Variants in ISY1 observed in about 807,000 individuals in gnomAD.
ISY1 encodes the protein pre-mRNA-splicing factor ISY1 homolog.
In ISY1, 12 loss-of-function variants were observed where a neutral mutation model predicts 54.4. The ratio of observed to expected loss-of-function variants is 0.22; its 90% CI spans 0.14 to 0.36. The LOEUF (loss-of-function observed/expected upper bound fraction) is 0.36, where lower values mean the gene tolerates loss of function less well. ISY1 is among the 10% of genes least tolerant of loss of function. ISY1 has a pLI of 1.00. For missense variants in ISY1, 282 were observed against 342.2 expected, an observed-to-expected ratio of 0.82 and a Z score of 1.39; for synonymous variants, 96 against 117.9, an observed-to-expected ratio of 0.81 and a Z score of 1.20.
At chr3:129,159,083 A>C (rs530993574) in intron 2 of ISY1, 71 bp downstream of exon 2, 3 of 1,565,368 alleles carry the variant, frequency 1.9e-6, no homozygotes, top group East Asian at 4.5e-5. Context: ...AAAAAGAGGA[A>C]ATACACAAAG....
At position 129,129,822 on chromosome 3, in the gene ISY1, A is replaced by T. The variant is rs1009127762; in HGVS notation, c.*259T>A. 2.6e-5 allele frequency: 9 copies of T among 343,820 alleles called. No homozygotes were observed. Among genetic ancestry groups the T allele is most frequent in the African/African-American group, 1.9e-4 (9 of 47,622 alleles). The allele number at this position is 343,820 out of a possible 1,614,324, so 21.3% of individuals were successfully genotyped here. On this transcript the variant is annotated 3_prime_UTR_variant, in exon 11 of 11. Transcript: ENST00000393295. Reference sequence around the variant, plus strand: ...ATGGCAGTGCAAGTCAAAATAAGACACAGGCAGCCAGTTCGCAACCTGTTG... The same window carrying T: ...ATGGCAGTGCAAGTCAAAATAAGACTCAGGCAGCCAGTTCGCAACCTGTTG...
intron 6 of ISY1, among the ~76,000 whole-genome samples, chr3:129,145,379 C>A (rs752300559): frequency 6.6e-6 from 1 of 152,132 alleles, no homozygotes; most frequent in South Asian, 2.1e-4. Flanking sequence ...TGCACCACCA[C>A]ACACAGCTAA....
chr3:129,158,989 TGG>T (rs1937224217), intron 2 of ISY1, among the ~76,000 whole-genome samples, 163 bp downstream of exon 2: 1 of 152,042 alleles, frequency 6.6e-6, no homozygotes, highest in Admixed American at 6.6e-5. Context: ...AGAAAACAAA[TGG>T]GCAAAAACAG....
At chr3:129,160,891 C>A (rs1307533784) in intron 1 of ISY1, 82 bp downstream of exon 1, 3 of 1,515,788 alleles carry the variant, frequency 2.0e-6, no homozygotes, top group Admixed American at 2.0e-5. Context: ...GAGCCTCTAC[C>A]GAATGAGCGC....
At chr3:129,145,315 C>T (rs1395594447) in intron 6 of ISY1, among the ~76,000 whole-genome samples, 1 of 151,780 alleles carries the variant, frequency 6.6e-6, no homozygotes, top group South Asian at 2.1e-4. Context: ...CTCCATCTTC[C>T]AGGTTCAAGT....
chr3:129,133,850 A>G lies in ISY1; in HGVS notation c.663+224T>C, dbSNP rs140295990. Among the ~76,000 whole-genome samples, 13 of 152,288 alleles carry G rather than the reference A, an allele frequency of 8.5e-5. No individual in the cohort carries two copies. In the East Asian group the frequency reaches 2.5e-3, roughly 29 times the overall value. On this transcript the variant is annotated intron_variant, in intron 9 of 10. Transcript: ENST00000393295. The stretch of plus-strand genomic sequence containing the variant: ...GCAGAAGGGCCTGTCTTTAAGAAGG[A>G]AAGAAGGAAGCCCTGGTGTAAAGCA...
intron 1 of ISY1, 47 bp from the exon 2 acceptor site, chr3:129,159,223 TTTTTTTCTTGCC>T: frequency 1.3e-6 from 2 of 1,583,074 alleles, no homozygotes; most frequent in Non-Finnish European, 1.7e-6. Flanking sequence ...TTAAAATATA[TTTTTTTCTTGCC>T]CTTTACTTTT....
At chr3:129,158,987 A>T (rs1374600956) in intron 2 of ISY1, among the ~76,000 whole-genome samples, 167 bp downstream of exon 2, 4 of 152,218 alleles carry the variant, frequency 2.6e-5, no homozygotes, top group Non-Finnish European at 2.9e-5. Flanking sequence ...GGAGAAAACA[A>T]ATGGGCAAAA....
intron 6 of ISY1, among the ~76,000 whole-genome samples, 192 bp downstream of exon 6, chr3:129,145,569 A>G (rs925122472): frequency 2.6e-5 from 4 of 152,290 alleles, no homozygotes; most frequent in Admixed American, 2.0e-4. Flanking sequence ...CAGCTTCCAC[A>G]AGGCCTTCTG....
At chr3:129,151,184 T>C (rs1264610878) in intron 5 of ISY1, among the ~76,000 whole-genome samples, 1 of 147,634 alleles carries the variant, frequency 6.8e-6, no homozygotes. Context: ...TATATATAAA[T>C]ATATAAAAAT....
intron 8 of ISY1, 46 bp downstream of exon 8, chr3:129,134,786 G>A (rs776954735): frequency 4.5e-6 from 7 of 1,563,060 alleles, no homozygotes; most frequent in Non-Finnish European, 6.1e-6. Flanking sequence ...GGACACAACA[G>A]AAAACAGATG....
intron 5 of ISY1, among the ~76,000 whole-genome samples, chr3:129,152,749 T>C (rs1358572597): frequency 1.3e-5 from 2 of 152,156 alleles, no homozygotes; most frequent in Non-Finnish European, 2.9e-5. Flanking sequence ...TTAAAGATTT[T>C]TGTCTATATT....
At chr3:129,154,200 G>A (rs1323179218) in intron 5 of ISY1, among the ~76,000 whole-genome samples, 7 of 144,712 alleles carry the variant, frequency 4.8e-5, no homozygotes, top group Non-Finnish European at 1.0e-4. Flanking sequence ...CTGAGATGGC[G>A]CCACTGCACT....
chr3:129,159,989 T>C (rs1311288224), intron 1 of ISY1, among the ~76,000 whole-genome samples: 2 of 152,072 alleles, frequency 1.3e-5, no homozygotes. Context: ...AACACCGCAG[T>C]AATTTGGGAT....
intron 5 of ISY1, among the ~76,000 whole-genome samples, chr3:129,152,834 A>G (rs548420343): frequency 1.3e-5 from 2 of 152,318 alleles, no homozygotes; most frequent in East Asian, 1.9e-4. Context: ...TGCTGATACT[A>G]AAATTCACAA....
At chr3:129,156,154 T>G (rs1202719175) in intron 5 of ISY1, among the ~76,000 whole-genome samples, 2 of 151,986 alleles carry the variant, frequency 1.3e-5, no homozygotes, top group African/African-American at 4.8e-5. Context: ...ATCCCAGCAC[T>G]TTGGGAGGCT....
chr3:129,158,910 CCAACCACAGGTG>C (rs1257293993), intron 2 of ISY1, among the ~76,000 whole-genome samples: 1 of 152,124 alleles, frequency 6.6e-6, no homozygotes, highest in Non-Finnish European at 1.5e-5. Flanking sequence ...AACCCCTGCA[CCAACCACAGGTG>C]AACAAATGTT....
At chr3:129,132,674 C>T (rs186196421) in intron 9 of ISY1, among the ~76,000 whole-genome samples, 2 of 152,352 alleles carry the variant, frequency 1.3e-5, no homozygotes, top group African/African-American at 4.8e-5. Context: ...ACTGCCTCCC[C>T]CTGGACTATG....
chr3:129,135,936 A>C lies in ISY1; in HGVS notation c.419-982T>G, dbSNP rs942470039. On this transcript the variant is annotated intron_variant, in intron 7 of 10. Coordinates refer to ENST00000393295, the MANE Select transcript of ISY1 (RefSeq NM_020701.4). Reference sequence around the variant, plus strand: ...TGCAGCCCCTGTAATGCTATTTCACAAAGTATTTTAATAACACAGGAACTG... The same window carrying C: ...TGCAGCCCCTGTAATGCTATTTCACCAAGTATTTTAATAACACAGGAACTG... 2.0e-5 allele frequency among the ~76,000 whole-genome samples: 3 copies of C among 152,128 alleles called. No homozygotes were observed. In the South Asian group the frequency reaches 6.2e-4, roughly 32 times the overall value.
Sources: allele counts gnomAD v4.1 joint callset (sites outside exome capture counted in the v4.1 genomes callset), GRCh38; gene constraint gnomAD v4.1.1; transcripts MANE v1.5; gene names NCBI Gene and HGNC (gene_info 2026-07-23, HGNC 2026-07-21).